Variants in SSX1 observed in about 807,000 individuals in gnomAD.
The protein encoded by SSX1 is protein SSX1.
In SSX1, 58 loss-of-function variants were observed where a neutral mutation model predicts 14.6. That is an observed-to-expected ratio of 3.96 (90% CI 3.21 to 4.93). The LOEUF (loss-of-function observed/expected upper bound fraction) is 4.93. Ranked by LOEUF, SSX1 falls within the 30% of genes most tolerant of loss-of-function variation. The pLI, the probability that SSX1 is intolerant of heterozygous loss-of-function variation, is 0.00. For synonymous variants in SSX1, 46 were observed against 52.1 expected (o/e 0.88, Z 0.50); for missense variants, 272 against 143.1 (o/e 1.90, Z -4.60).
At chrX:48,264,859 T>A (rs1463828455) in intron 6 of SSX1, among the ~76,000 whole-genome samples, 1 of 112,910 alleles carries the variant, frequency 8.9e-6, no homozygotes, top group African/African-American at 3.2e-5. Flanking sequence ...GTAGCCACGT[T>A]CATCAGTGAT....
intron 6 of SSX1, among the ~76,000 whole-genome samples, chrX:48,264,667 A>G (rs1423070723): frequency 1.8e-5 from 2 of 112,004 alleles, no homozygotes; most frequent in African/African-American, 6.5e-5. Context: ...AATTTGCCAC[A>G]TCGATTAGCT....
intron 5 of SSX1, among the ~76,000 whole-genome samples, chrX:48,263,450 T>C (rs1284970141): frequency 2.4e-5 from 2 of 85,059 alleles, no homozygotes; most frequent in Non-Finnish European, 5.0e-5. Flanking sequence ...TAGAAGCTCT[T>C]CCTTTTGTAG....
Position 48,257,760 on chromosome X carries a change from T to G in SSX1, c.84T>G (p.Ile28Met), listed in dbSNP as rs1556934653. The G allele has an allele frequency of 2.5e-6, 3 of 1,203,187 alleles. No individual in the cohort carries two copies. The stretch of plus-strand genomic sequence containing the variant: ...ATTTTTTTTAGGCCTTTGATGATAT[T>G]GCCACATACTTCTCTAAGAAAGAGT... ...SEKRSKAFDD[I>M]ATYFSKKEWK... Residue 28 changes from isoleucine to methionine, a missense_variant, in exon 3 of 8, where the codon ATT becomes ATG. Physicochemically the swap from Ile to Met is conservative, Grantham distance 10. Transcript: ENST00000376919.
rs138324889 is a variant in SSX1 at position 48,257,772 on chromosome X, C to T, written c.96C>T (p.Phe32=). The T allele has an allele frequency of 1.2e-5, 15 of 1,206,585 alleles. No homozygotes were observed. The Admixed American group carries it at 3.3e-4, about 27-fold the overall frequency. Reference sequence around the variant, plus strand: ...CCTTTGATGATATTGCCACATACTTCTCTAAGAAAGAGTGGAAAAAGATGA... The same window carrying T: ...CCTTTGATGATATTGCCACATACTTTTCTAAGAAAGAGTGGAAAAAGATGA... ...SKAFDDIATY[F]SKKEWKKMKY... Residue 32 remains phenylalanine, a synonymous_variant, in exon 3 of 8, where the codon TTC becomes TTT. Transcript: ENST00000376919.
rs370885798 is a variant in SSX1, at chrX:48,266,843, T to G, written c.*5-11T>G. ...GCTGTCACTTACTTTCCTTCCCTCT[T>G]CTCGCCTCAGCCTGGGGGATACGAC... On this transcript the variant is annotated splice_polypyrimidine_tract_variant and intron_variant, in intron 7 of 7. Coordinates refer to ENST00000376919, the MANE Select transcript of SSX1 (RefSeq NM_005635.4). 2.0e-6 allele frequency: 2 copies of G among 1,023,408 alleles called. No homozygotes were observed. The highest frequency in any genetic ancestry group is 3.0e-5 in the East Asian group (1 of 32,917). 84.3% of individuals were successfully genotyped at this position (1,023,408 alleles called of 1,213,427 possible).
At chrX:48,259,649 T>C (rs1204655119) in intron 4 of SSX1, among the ~76,000 whole-genome samples, 3 of 110,473 alleles carry the variant, frequency 2.7e-5, no homozygotes, top group Non-Finnish European at 5.7e-5. Flanking sequence ...CCCCTTCCCG[T>C]GTCCTTGTGT....
At chrX:48,264,935 CT>C (rs1220381316) in intron 6 of SSX1, among the ~76,000 whole-genome samples, 1 of 112,518 alleles carries the variant, frequency 8.9e-6, no homozygotes, top group Non-Finnish European at 1.9e-5. Context: ...ACACCTTGCA[CT>C]TTTATGTTAT....
chrX:48,261,166 T>A (rs1321759332), intron 4 of SSX1, among the ~76,000 whole-genome samples: 3 of 112,031 alleles, frequency 2.7e-5, no homozygotes, highest in Non-Finnish European at 5.6e-5. Context: ...AATACAATCA[T>A]AAGACAAGGT....
chrX:48,261,672 A>G lies in SSX1; in HGVS notation c.281-94A>G, dbSNP rs1451325086. On this transcript the variant is annotated intron_variant, in intron 4 of 7. Coordinates refer to ENST00000376919, the MANE Select transcript of SSX1 (RefSeq NM_005635.4). ...CTCCTCAACAATGAGTGGACTCATA[A>G]CCTCTGCTGCAGAATGCCCTCATGC... 3.6e-5 allele frequency: 35 copies of G among 959,892 alleles called. No individual in the cohort carries two copies. In the African/African-American group the frequency reaches 6.1e-4, roughly 17 times the overall value. The allele number at this position is 959,892 out of a possible 1,213,427, so 79.1% of individuals were successfully genotyped here. A position where few individuals can be genotyped will look rare whatever the true frequency, so the allele number is the denominator to read the frequency against.
At chrX:48,263,977 G>A (rs2146615245) in intron 6 of SSX1, 60 bp downstream of exon 6, 4 of 1,182,899 alleles carry the variant, frequency 3.4e-6, no homozygotes, top group Non-Finnish European at 4.5e-6. Context: ...TCAGGTGTGT[G>A]GACTGGGTGT....
rs2059593448 is a variant in SSX1, at chrX:48,258,760, A to G, written c.280+129A>G. 1.8e-5 allele frequency: 9 copies of G among 503,661 alleles called. No individual in the cohort carries two copies. The South Asian group carries it at 3.1e-4, about 17-fold the overall frequency. 41.5% of individuals were successfully genotyped at this position (503,661 alleles called of 1,213,427 possible). On this transcript the variant is annotated intron_variant, in intron 4 of 7. Transcript: ENST00000376919. ...AGGGTTGAGTGAAAAAAAAAATTGCATACAGAAAGTTAACTACAGAGGCCA... is the reference window on the plus strand; with the variant it reads ...AGGGTTGAGTGAAAAAAAAAATTGCGTACAGAAAGTTAACTACAGAGGCCA...
chrX:48,256,482 TAGAGA>T (rs1569450571), intron 1 of SSX1, among the ~76,000 whole-genome samples: 34 of 63,082 alleles, frequency 5.4e-4, no homozygotes, highest in Non-Finnish European at 8.1e-4. Context: ...TTTTTTTTTG[TAGAGA>T]TGAGGGGTTT....
chrX:48,258,185 C>CTTTTTTTTT (rs1201912440), intron 3 of SSX1, among the ~76,000 whole-genome samples: 2 of 72,934 alleles, frequency 2.7e-5, no homozygotes, highest in Non-Finnish European at 4.9e-5. Context: ...CTCTCTCTCC[C>CTTTTTTTTT]TTTTTTTTTT....
intron 4 of SSX1, among the ~76,000 whole-genome samples, chrX:48,259,077 A>G (rs2059594588): frequency 1.8e-5 from 2 of 110,090 alleles, no homozygotes; most frequent in Non-Finnish European, 3.8e-5. Context: ...GCCCACTACA[A>G]CCTCTGCCTC....
chrX:48,258,635 A>T lies in SSX1; in HGVS notation c.280+4A>T. On this transcript the variant is annotated splice_donor_region_variant and intron_variant, in intron 4 of 7. Coordinates refer to ENST00000376919, the MANE Select transcript of SSX1 (RefSeq NM_005635.4). ...GACCATAACCGCAGGATTCAGGGTG[A>T]GTAGATGGGAAGTGGCTGGAAAGGT... The T allele has an allele frequency of 3.4e-6, 4 of 1,184,693 alleles. No homozygotes were observed. The highest frequency in any genetic ancestry group is 4.6e-6 in the Non-Finnish European group (4 of 872,489).
At chrX:48,262,144 G>A (rs2059606185) in intron 5 of SSX1, among the ~76,000 whole-genome samples, 1 of 112,289 alleles carries the variant, frequency 8.9e-6, no homozygotes, top group Admixed American at 9.4e-5. Flanking sequence ...CCATATAAAA[G>A]CCATGTGACT....
chrX:48,261,800 C>G lies in SSX1; in HGVS notation c.315C>G (p.His105Gln). 1.7e-6 allele frequency: 2 copies of G among 1,210,942 alleles called. No individual in the cohort carries two copies. The highest frequency in any genetic ancestry group is 1.8e-5 in the South Asian group (1 of 56,934). Residue 105 changes from histidine (H) to glutamine (Q), a missense_variant, in exon 5 of 8, where the codon CAC (histidine) becomes CAG (glutamine). Physicochemically the swap from His to Gln is conservative, Grantham distance 24. Coordinates refer to ENST00000376919, the MANE Select transcript of SSX1 (RefSeq NM_005635.4). ...EHPQMTFGRL[H>Q]RIIPKIMPKK... is the part of the protein sequence containing the mutation. ...CTCAGATGACTTTCGGCAGGCTCCACAGAATCATCCCGAAGGTGAGTATCT... is the reference window on the plus strand; with the variant it reads ...CTCAGATGACTTTCGGCAGGCTCCAGAGAATCATCCCGAAGGTGAGTATCT...
chrX:48,267,398 T>G lies in SSX1; in HGVS notation c.*549T>G. 6.0e-6 allele frequency: 1 copy of G among 167,761 alleles called. No individual in the cohort carries two copies. Among genetic ancestry groups the G allele is most frequent in the Non-Finnish European group, 1.2e-5 (1 of 86,593 alleles). The allele number at this position is 167,761 out of a possible 1,213,427, so 13.8% of individuals were successfully genotyped here. A position where few individuals can be genotyped will look rare whatever the true frequency, so the allele number is the denominator to read the frequency against. On this transcript the variant is annotated 3_prime_UTR_variant, in exon 8 of 8. Coordinates refer to ENST00000376919, the MANE Select transcript of SSX1 (RefSeq NM_005635.4). ...TTCAGCATGTACTCCCCTCATCCGA[T>G]TCCCCTGTATCAGTCACTGACAGTT...
rs1200826737 is a variant in SSX1, at chrX:48,263,875, C to T, written c.424C>T (p.Pro142Ser). The T allele has an allele frequency of 9.9e-6, 12 of 1,209,536 alleles. No homozygotes were observed. The highest frequency in any genetic ancestry group is 1.1e-6 in the Non-Finnish European group (1 of 895,092). ...PQNDGKQLHP[P>S]GKANISEKIN... ...AAACGATGGGAAACAACTGCACCCC[C>T]CAGGAAAAGCAAATATTTCTGAGAA... is the stretch of plus-strand genomic sequence containing the variant. Residue 142 changes from proline (P) to serine (S), a missense_variant, in exon 6 of 8, where the codon CCA (proline) becomes TCA (serine). Pro to Ser is a moderately conservative substitution (Grantham distance 74). Transcript: ENST00000376919.
Sources: gnomAD v4.1 joint callset for allele counts (sites outside exome capture counted in the v4.1 genomes callset) on GRCh38, gnomAD v4.1.1 for gene constraint, MANE v1.5 for transcripts, NCBI Gene and HGNC (gene_info 2026-07-23, HGNC 2026-07-21) for gene names.